THSD4: variants seen among roughly 807,000 people sequenced by gnomAD.
The protein encoded by THSD4 is thrombospondin type-1 domain-containing protein 4.
THSD4 carries 69 observed loss-of-function variants against 119.0 expected under a neutral mutation model. That is an observed-to-expected ratio of 0.58 (90% CI 0.48 to 0.71). The LOEUF is 0.71. THSD4 is among the 30% of genes least tolerant of loss of function. The pLI is 0.00. For missense variants in THSD4, 1,393 were observed against 1,391.1 expected, an observed-to-expected ratio of 1.00 and a Z score of -0.02; for synonymous variants, 524 against 540.4, an observed-to-expected ratio of 0.97 and a Z score of 0.42.
chr15:71,387,894 A>T (rs920809651), intron 6 of THSD4, among the ~76,000 whole-genome samples: 18 of 152,280 alleles, frequency 1.2e-4, no homozygotes, highest in African/African-American at 4.3e-4. Context: ...TCCCTTGGCC[A>T]GGGGACCTCT....
chr15:71,136,074 A>G (rs1218626078), intron 1 of THSD4, among the ~76,000 whole-genome samples: 1 of 133,766 alleles, frequency 7.5e-6, no homozygotes, highest in East Asian at 2.2e-4. Context: ...AAACCCCGTT[A>G]CTTATCCAGG....
At chr15:71,501,142 T>C (rs1033613193) in intron 7 of THSD4, among the ~76,000 whole-genome samples, 4 of 152,196 alleles carry the variant, frequency 2.6e-5, no homozygotes, top group African/African-American at 9.7e-5. Flanking sequence ...CGCAATTCTT[T>C]ATATATAACA....
intron 6 of THSD4, among the ~76,000 whole-genome samples, chr15:71,378,351 A>ATG (rs1367581710): frequency 6.6e-6 from 1 of 152,176 alleles, no homozygotes; most frequent in East Asian, 1.9e-4. Flanking sequence ...CACCAGATGA[A>ATG]TGAGGGGTGG....
At chr15:71,367,303 A>G (rs1225570421) in intron 6 of THSD4, among the ~76,000 whole-genome samples, 2 of 150,616 alleles carry the variant, frequency 1.3e-5, no homozygotes, top group South Asian at 2.1e-4. Context: ...TTTTTTTATT[A>G]TTATTATACT....
chr15:71,597,539 C>G (rs1193561793), intron 7 of THSD4, among the ~76,000 whole-genome samples: 1 of 152,150 alleles, frequency 6.6e-6, no homozygotes, highest in Admixed American at 6.5e-5. Flanking sequence ...TTTTAAGGAT[C>G]ATTAGACTTT....
At chr15:71,518,044 C>A (rs1286836053) in intron 7 of THSD4, among the ~76,000 whole-genome samples, 1 of 152,106 alleles carries the variant, frequency 6.6e-6, no homozygotes, top group Non-Finnish European at 1.5e-5. Flanking sequence ...TCCAGAGATT[C>A]CAAAAGGAAA....
intron 2 of THSD4, among the ~76,000 whole-genome samples, chr15:71,150,346 C>T (rs185587878): frequency 2.0e-5 from 3 of 152,274 alleles, no homozygotes; most frequent in Admixed American, 6.5e-5. Flanking sequence ...GCTAAGTATG[C>T]GCAAGCAGGG....
chr15:71,348,843 C>T (rs984332832), intron 6 of THSD4, among the ~76,000 whole-genome samples: 2 of 152,240 alleles, frequency 1.3e-5, no homozygotes, highest in Non-Finnish European at 2.9e-5. Flanking sequence ...ACAGCAGCAT[C>T]TTTGGAGTAA....
upstream of THSD4, among the ~76,000 whole-genome samples, chr15:71,114,755 C>CTT (rs202090332): frequency 1.3e-4 from 20 of 152,068 alleles, no homozygotes; most frequent in South Asian, 4.2e-3. Context: ...TTGCAGCAGG[C>CTT]TTTTTTTTCC....
chr15:71,644,467 G>A (rs2050928258), intron 7 of THSD4, among the ~76,000 whole-genome samples: 1 of 152,036 alleles, frequency 6.6e-6, no homozygotes, highest in South Asian at 2.1e-4. Flanking sequence ...ATCTTCACCA[G>A]CAAGAATTTG....
intron 1 of THSD4, among the ~76,000 whole-genome samples, chr15:71,099,335 G>C (rs1477923713): frequency 1.3e-5 from 2 of 152,138 alleles, no homozygotes; most frequent in Admixed American, 1.3e-4. Flanking sequence ...CTGATTTTCT[G>C]TCTACTTATA....
chr15:71,390,617 G>A (rs182173467), intron 6 of THSD4, among the ~76,000 whole-genome samples: 23 of 152,120 alleles, frequency 1.5e-4, no homozygotes, highest in African/African-American at 5.1e-4. Context: ...ATTTAAACTC[G>A]TGTCTGCATT....
chr15:71,441,970 GT>G (rs1319147539), intron 7 of THSD4, among the ~76,000 whole-genome samples: 1 of 151,652 alleles, frequency 6.6e-6, no homozygotes, highest in Non-Finnish European at 1.5e-5. Context: ...GTTTTGTTTT[GT>G]TTTTTTGAGA....
intron 8 of THSD4, among the ~76,000 whole-genome samples, chr15:71,676,575 C>T (rs1457625208): frequency 1.3e-5 from 2 of 152,160 alleles, no homozygotes; most frequent in Non-Finnish European, 2.9e-5. Flanking sequence ...CTACTGCGCC[C>T]AGCCTCAGAA....
intron 7 of THSD4, among the ~76,000 whole-genome samples, chr15:71,482,994 C>T (rs1197072178): frequency 6.6e-6 from 1 of 152,072 alleles, no homozygotes; most frequent in Admixed American, 6.5e-5. Flanking sequence ...CCATGCCCAT[C>T]CCAGCTATGA....
At chr15:71,127,303 C>T (rs1410464115) in intron 1 of THSD4, among the ~76,000 whole-genome samples, 3 of 152,082 alleles carry the variant, frequency 2.0e-5, no homozygotes, top group African/African-American at 7.2e-5. Context: ...ATAGGTATAC[C>T]ATGTTCATCT....
rs370916833 is a variant in THSD4, at chr15:71,530,733, A to C, written c.1152+118910A>C. 4.6e-5 allele frequency among the ~76,000 whole-genome samples: 7 copies of C among 152,038 alleles called. No individual in the cohort carries two copies. The East Asian group carries it at 9.7e-4, about 21-fold the overall frequency. On this transcript the variant is annotated intron_variant, in intron 7 of 17. Coordinates refer to ENST00000261862, the MANE Select transcript of THSD4 (RefSeq NM_024817.3). Reference sequence around the variant, plus strand: ...GAGATGTATCCCTTAGGGTCAGTGGAGTGTTTGCTCTCTTTCACTCATATG... The same window carrying C: ...GAGATGTATCCCTTAGGGTCAGTGGCGTGTTTGCTCTCTTTCACTCATATG...
Position 71,420,576 on chromosome 15 carries a change from G to A in THSD4, c.1152+8753G>A, listed in dbSNP as rs1271634137. 2.8e-5 allele frequency among the ~76,000 whole-genome samples: 3 copies of A among 106,324 alleles called. 1 individual carries two copies. Among genetic ancestry groups the A allele is most frequent in the African/African-American group, 9.6e-5 (3 of 31,230 alleles). The allele number at this position is 106,324 out of a possible 152,430, so 69.8% of individuals were successfully genotyped here. A position where few individuals can be genotyped will look rare whatever the true frequency, so the allele number is the denominator to read the frequency against. On this transcript the variant is annotated intron_variant, in intron 7 of 17. Coordinates refer to ENST00000261862, the MANE Select transcript of THSD4 (RefSeq NM_024817.3). ...CCTTCCTTCCTGTCTTCCTTTTAGT[G>A]AGGGTGATTTTCTCTGGTAGTATGT...
At chr15:71,554,023 G>A (rs1202003566) in intron 7 of THSD4, among the ~76,000 whole-genome samples, 2 of 151,304 alleles carry the variant, frequency 1.3e-5, no homozygotes, top group Non-Finnish European at 2.9e-5. Context: ...AATCAATTCT[G>A]AAGTCTTTCA....
Sources: gnomAD v4.1 joint callset for allele counts (sites outside exome capture counted in the v4.1 genomes callset) on GRCh38, gnomAD v4.1.1 for gene constraint, MANE v1.5 for transcripts, NCBI Gene and HGNC (gene_info 2026-07-23, HGNC 2026-07-21) for gene names.